The following MACROD2 variants were observed in gnomAD, a reference collection of about 807,000 sequenced individuals.
MACROD2 encodes the protein ADP-ribose glycohydrolase MACROD2.
In MACROD2, 36 loss-of-function variants were observed where a neutral mutation model predicts 70.4. That is an observed-to-expected ratio of 0.51 (90% confidence interval 0.39 to 0.68). The LOEUF (loss-of-function observed/expected upper bound fraction) is 0.68, where lower values mean the gene tolerates loss of function less well. Among genes scored for constraint, MACROD2 ranks in the 30% least tolerant of loss-of-function variants. The pLI is 0.00. For synonymous variants in MACROD2, 172 were observed against 178.8 expected (o/e 0.96, Z 0.30); for missense variants, 496 against 538.4 (o/e 0.92, Z 0.78).
intron 3 of MACROD2, among the ~76,000 whole-genome samples, chr20:14,390,658 A>G (rs2122801161): frequency 6.6e-6 from 1 of 152,360 alleles, no homozygotes. Context: ...TCCATGTTCA[A>G]CAAATGGTGC....
Position 15,862,772 on chromosome 20 carries a change from T to A in MACROD2, c.673T>A (p.Leu225Ile). Residue 225 changes from leucine to isoleucine, a missense_variant, in exon 9 of 18, where the codon TTA (leucine) becomes ATA (isoleucine). Physicochemically the swap from Leu to Ile is conservative, Grantham distance 5. Transcript: ENST00000684519. ...EVDRIIFCVF[L>I]EVDFKIYKKK... ...GGATCGGATCATTTTCTGTGTCTTC[T>A]TAGAAGTTGACTTCAAAATCTACAA... The A allele has an allele frequency of 6.2e-7, 1 of 1,613,120 alleles. No homozygotes were observed.
At chr20:14,802,682 C>T (rs1600677983) in intron 5 of MACROD2, among the ~76,000 whole-genome samples, 1 of 151,706 alleles carries the variant, frequency 6.6e-6, no homozygotes, top group South Asian at 2.1e-4. Context: ...CTGATATCTT[C>T]GTAAATTTGT....
intron 3 of MACROD2, among the ~76,000 whole-genome samples, chr20:14,352,581 C>G (rs1033829545): frequency 6.6e-6 from 1 of 151,886 alleles, no homozygotes; most frequent in African/African-American, 2.4e-5. Context: ...ATATATGCAC[C>G]CTTCTAACCT....
chr20:14,236,030 A>C (rs370262995), intron 3 of MACROD2, among the ~76,000 whole-genome samples: 74 of 152,244 alleles, frequency 4.9e-4, no homozygotes, highest in South Asian at 2.3e-3. Flanking sequence ...ACTGAAGAAA[A>C]ATAACCAAGT....
intron 8 of MACROD2, among the ~76,000 whole-genome samples, chr20:15,648,220 T>C (rs1473816803): frequency 6.6e-6 from 1 of 152,198 alleles, no homozygotes; most frequent in Non-Finnish European, 1.5e-5. Context: ...AAGTAATAGA[T>C]TAAAATAATT....
intron 5 of MACROD2, among the ~76,000 whole-genome samples, chr20:15,104,207 C>G (rs897425005): frequency 2.6e-5 from 4 of 152,210 alleles, no homozygotes; most frequent in African/African-American, 9.6e-5. Flanking sequence ...AAAGACTAAC[C>G]TAGACAGGGA....
At chr20:15,549,817 A>G (rs1372885702) in intron 8 of MACROD2, among the ~76,000 whole-genome samples, 3 of 152,060 alleles carry the variant, frequency 2.0e-5, no homozygotes, top group African/African-American at 7.3e-5. Context: ...AACTCAAACC[A>G]AATATTGTCT....
At chr20:15,530,560 G>A (rs933246023) in intron 8 of MACROD2, among the ~76,000 whole-genome samples, 9 of 151,892 alleles carry the variant, frequency 5.9e-5, no homozygotes, top group East Asian at 3.9e-4. Context: ...GTGAAAACCC[G>A]TCTCTACTAA....
At chr20:14,188,490 T>C (rs8123267) in intron 3 of MACROD2, among the ~76,000 whole-genome samples, 8,412 of 152,246 alleles carry the variant, frequency 0.055, 327 homozygotes, top group East Asian at 0.21. Flanking sequence ...ATGATAATTC[T>C]GTATATGAAA....
intron 6 of MACROD2, among the ~76,000 whole-genome samples, chr20:15,412,280 A>G (rs966714674): frequency 6.6e-6 from 1 of 152,188 alleles, no homozygotes; most frequent in African/African-American, 2.4e-5. Flanking sequence ...TTGCATATGC[A>G]TTATTAAAAA....
At chr20:15,743,878 C>CA (rs1379570002) in intron 8 of MACROD2, among the ~76,000 whole-genome samples, 2 of 151,974 alleles carry the variant, frequency 1.3e-5, no homozygotes, top group Non-Finnish European at 2.9e-5. Context: ...TCAACTTATA[C>CA]AAAAAAATAG....
rs552943238 is a variant in MACROD2, at chr20:15,508,781, T to C, written c.645+8934T>C. On this transcript the variant is annotated intron_variant, in intron 8 of 17. Coordinates refer to ENST00000684519, the MANE Select transcript of MACROD2 (RefSeq NM_001351661.2). ...AAAATGGTGGTGAACCTGAGGGATGTGGAGCACAGCTACCGTGTTCCCTAC... is the reference window on the plus strand; with the variant it reads ...AAAATGGTGGTGAACCTGAGGGATGCGGAGCACAGCTACCGTGTTCCCTAC... Among the ~76,000 whole-genome samples, 7 of 152,308 alleles carry C rather than the reference T, an allele frequency of 4.6e-5. No individual in the cohort carries two copies. The South Asian group carries it at 1.4e-3, about 32-fold the overall frequency.
At chr20:15,171,229 C>A (rs929181950) in intron 5 of MACROD2, among the ~76,000 whole-genome samples, 1 of 151,870 alleles carries the variant, frequency 6.6e-6, no homozygotes, top group Non-Finnish European at 1.5e-5. Context: ...CCATCACTTT[C>A]CCTCCATCTC....
intron 5 of MACROD2, among the ~76,000 whole-genome samples, chr20:14,771,652 C>CAT (rs2072167432): frequency 7.3e-6 from 1 of 136,362 alleles, no homozygotes; most frequent in Admixed American, 7.2e-5. Flanking sequence ...AATACACACA[C>CAT]ACACACACAC....
chr20:14,117,784 T>C (rs900535004), intron 3 of MACROD2, among the ~76,000 whole-genome samples: 24 of 152,206 alleles, frequency 1.6e-4, no homozygotes, highest in South Asian at 2.1e-4. Context: ...TCTTGAAATA[T>C]AGTTTTTCAC....
chr20:14,859,087 A>T (rs1298755179), intron 5 of MACROD2, among the ~76,000 whole-genome samples: 1 of 152,014 alleles, frequency 6.6e-6, no homozygotes, highest in Non-Finnish European at 1.5e-5. Context: ...GAAGGTTGGG[A>T]GGGGGGTGAG....
chr20:15,018,696 C>G (rs1457894484), intron 5 of MACROD2, among the ~76,000 whole-genome samples: 2 of 152,236 alleles, frequency 1.3e-5, no homozygotes, highest in East Asian at 3.9e-4. Context: ...TCACGTTTTT[C>G]TGCCTGCTTT....
chr20:14,482,307 C>T (rs952787444), intron 3 of MACROD2, among the ~76,000 whole-genome samples: 2 of 151,840 alleles, frequency 1.3e-5, no homozygotes, highest in Non-Finnish European at 2.9e-5. Context: ...ATTGAATTTT[C>T]ATTAATTTAT....
Position 15,933,339 on chromosome 20 carries a change from G to A in MACROD2, c.838+1G>A, listed in dbSNP as rs751173677. ...ATGGAAGAGCAGAGCCAAGATGCAG[G>A]TAGGCTCAGATTTCTTTTGAGAAGT... On this transcript the variant is annotated splice_donor_variant, in intron 11 of 17. Transcript: ENST00000684519. LOFTEE classifies it high-confidence loss of function. 5 of 1,612,936 alleles carry A rather than the reference G, an allele frequency of 3.1e-6. No individual in the cohort carries two copies. The highest frequency in any genetic ancestry group is 4.2e-6 in the Non-Finnish European group (5 of 1,179,322).
Sources: gnomAD v4.1 joint callset for allele counts (sites outside exome capture counted in the v4.1 genomes callset) on GRCh38, gnomAD v4.1.1 for gene constraint, MANE v1.5 for transcripts, NCBI Gene and HGNC (gene_info 2026-07-23, HGNC 2026-07-21) for gene names.